CRYBG1: variants seen among roughly 807,000 people sequenced by gnomAD.
The protein encoded by CRYBG1 is crystallin beta-gamma domain containing 1.
Under a neutral mutation model 189.2 loss-of-function variants are expected in CRYBG1, and 139 were observed. The observed-to-expected ratio is 0.73, with a 90% CI of 0.64 to 0.85. The LOEUF (loss-of-function observed/expected upper bound fraction) is 0.85. Among genes scored for constraint, CRYBG1 ranks in the 40% least tolerant of loss-of-function variants. CRYBG1 has a pLI of 0.00. For missense variants in CRYBG1, 2,611 were observed against 2,675.8 expected (o/e 0.98, Z 0.53); for synonymous variants, 1,023 against 1,017.1 (o/e 1.01, Z -0.11).
chr6:106,524,423 G>A (rs1773686772), intron 4 of CRYBG1, among the ~76,000 whole-genome samples: 1 of 152,006 alleles, frequency 6.6e-6, no homozygotes, highest in Non-Finnish European at 1.5e-5. Flanking sequence ...AAAATTAGCT[G>A]GGCCTGGTGG....
rs571541356 is a variant in CRYBG1, at chr6:106,450,399, C to A, written c.174-1295C>A. 1.4e-4 allele frequency among the ~76,000 whole-genome samples: 21 copies of A among 152,258 alleles called. No individual in the cohort carries two copies. In the South Asian group the frequency reaches 4.3e-3, roughly 32 times the overall value. On this transcript the variant is annotated intron_variant, in intron 1 of 21. Coordinates refer to ENST00000633556, the MANE Select transcript of CRYBG1 (RefSeq NM_001371242.2). ...CCCACAAAAGCTTCCGTTTCTGTTG[C>A]GAAATGCTGAGGTCTTGCATTTTTA... is the stretch of plus-strand genomic sequence containing the variant.
chr6:106,394,594 G>A (rs941597545), intron 1 of CRYBG1, among the ~76,000 whole-genome samples: 5 of 152,186 alleles, frequency 3.3e-5, no homozygotes, highest in African/African-American at 7.2e-5. Context: ...GGAATAAAGT[G>A]ATTCTAAAAG....
chr6:106,379,198 A>G (rs1446556194), intron 1 of CRYBG1, among the ~76,000 whole-genome samples: 1 of 152,204 alleles, frequency 6.6e-6, no homozygotes, highest in Non-Finnish European at 1.5e-5. Context: ...TTGAAGTAAG[A>G]GAGTAAATGA....
At position 106,417,500 on chromosome 6, in the gene CRYBG1, T is replaced by C. The variant is rs993207733; in HGVS notation, c.174-34194T>C. 9.1e-4 allele frequency among the ~76,000 whole-genome samples: 139 copies of C among 152,256 alleles called. 1 individual carries two copies. The highest frequency in any genetic ancestry group is 2.6e-4 in the Non-Finnish European group (18 of 68,044). On this transcript the variant is annotated intron_variant, in intron 1 of 21. Transcript: ENST00000633556. Reference sequence around the variant, plus strand: ...ACTCTGTCCCCACAGATTACCACCGTAGATATAAAGGTTTGGATGTCCCTT... The same window carrying C: ...ACTCTGTCCCCACAGATTACCACCGCAGATATAAAGGTTTGGATGTCCCTT...
chr6:106,414,611 T>G (rs1770988761), intron 1 of CRYBG1, among the ~76,000 whole-genome samples: 2 of 152,210 alleles, frequency 1.3e-5, no homozygotes, highest in Non-Finnish European at 2.9e-5. Context: ...TTGGTGTATA[T>G]TTTTGGCTTT....
At chr6:106,433,720 T>A (rs1336922531) in intron 1 of CRYBG1, among the ~76,000 whole-genome samples, 1 of 61,048 alleles carries the variant, frequency 1.6e-5, no homozygotes, top group African/African-American at 1.1e-4. Context: ...AACTGGGAAA[T>A]ATATATATAT....
chr6:106,544,620 G>C lies in CRYBG1; in HGVS notation c.5089G>C (p.Glu1697Gln). The C allele has an allele frequency of 6.2e-7, 1 of 1,614,012 alleles. No homozygotes were observed. The highest frequency in any genetic ancestry group is 8.5e-7 in the Non-Finnish European group (1 of 1,179,920). Residue 1697 changes from glutamate to glutamine, a missense_variant, in exon 12 of 22, where the codon GAA becomes CAA. Glu to Gln is a conservative substitution (Grantham distance 29). This residue lies in a region of CRYBG1 where 1,622 missense variants were observed against 1,735.0 expected (regional missense o/e 0.93). Coordinates refer to ENST00000633556, the MANE Select transcript of CRYBG1 (RefSeq NM_001371242.2). ...ATTTACCGGTCATCAGTATTTGCTA[G>C]AAGAAGGAGAATACAGGGACTGGAA... is the stretch of plus-strand genomic sequence containing the variant. ...PGFTGHQYLLEEGEYRDWKAW... is the reference protein window; with the variant it reads ...PGFTGHQYLLQEGEYRDWKAW...
chr6:106,519,604 C>A lies in CRYBG1; in HGVS notation c.2396C>A (p.Pro799Gln), dbSNP rs1209214768. ...ACAGATGCTGGCTGCCTTTCAGAAC[C>A]AGTGGCTTCTGCTCTGATTCCTGTC... ...VQTDAGCLSEPVASALIPVKD... is the reference protein window; with the variant it reads ...VQTDAGCLSEQVASALIPVKD... The change falls in exon 4 of 22, where the codon CCA (proline) becomes CAA (glutamine). Residue 799 changes from proline to glutamine, a missense_variant. Coordinates refer to ENST00000633556, the MANE Select transcript of CRYBG1 (RefSeq NM_001371242.2). The A allele has an allele frequency of 6.2e-7, 1 of 1,614,190 alleles. No homozygotes were observed. The highest frequency in any genetic ancestry group is 1.7e-5 in the Admixed American group (1 of 60,018).
intron 2 of CRYBG1, among the ~76,000 whole-genome samples, chr6:106,498,651 G>A (rs117087770): frequency 0.15 from 22,747 of 152,044 alleles, 1,720 homozygotes; most frequent in East Asian, 0.16. Flanking sequence ...GAGGTGGGCA[G>A]ATAACTTGAG....
intron 21 of CRYBG1, among the ~76,000 whole-genome samples, chr6:106,566,877 T>G (rs761790755): frequency 2.6e-5 from 4 of 152,206 alleles, no homozygotes; most frequent in Non-Finnish European, 5.9e-5. Flanking sequence ...ATCATGCATC[T>G]GTCTTCTAGC....
rs918527730 is a variant in CRYBG1, at chr6:106,568,347, G to A, written c.6302-125G>A. ...GCTTCCCTCCCTGCCTTGCCTCCTT[G>A]AGGCATGCAGTTCTACACCTTGTTT... On this transcript the variant is annotated intron_variant, in intron 21 of 21. Transcript: ENST00000633556. 14 of 721,894 alleles carry A rather than the reference G, an allele frequency of 1.9e-5. No individual in the cohort carries two copies. The African/African-American group carries it at 2.5e-4, about 13-fold the overall frequency. The allele number at this position is 721,894 out of a possible 1,614,324, so 44.7% of individuals were successfully genotyped here. A position where few individuals can be genotyped will look rare whatever the true frequency, so the allele number is the denominator to read the frequency against.
chr6:106,404,975 C>A (rs2114360861), intron 1 of CRYBG1, among the ~76,000 whole-genome samples: 1 of 152,104 alleles, frequency 6.6e-6, no homozygotes, highest in Admixed American at 6.5e-5. Flanking sequence ...AGACACCAAG[C>A]TAGCCGCAGT....
At chr6:106,536,532 C>T (rs1247083985) in intron 8 of CRYBG1, among the ~76,000 whole-genome samples, 1 of 152,160 alleles carries the variant, frequency 6.6e-6, no homozygotes, top group African/African-American at 2.4e-5. Flanking sequence ...AACTTAAGAT[C>T]CATCTGGAAG....
At chr6:106,418,968 T>C (rs1771077183) in intron 1 of CRYBG1, among the ~76,000 whole-genome samples, 1 of 152,226 alleles carries the variant, frequency 6.6e-6, no homozygotes, top group Non-Finnish European at 1.5e-5. Flanking sequence ...CCAGGCATGA[T>C]GTTCACATAG....
chr6:106,365,164 C>T (rs1009858874), intron 1 of CRYBG1, among the ~76,000 whole-genome samples: 4 of 152,072 alleles, frequency 2.6e-5, no homozygotes, highest in Non-Finnish European at 4.4e-5. Context: ...TGTGGTGGCC[C>T]ACACCTGTAA....
intron 1 of CRYBG1, among the ~76,000 whole-genome samples, chr6:106,381,738 A>G (rs1770293970): frequency 6.6e-6 from 1 of 152,196 alleles, no homozygotes; most frequent in Non-Finnish European, 1.5e-5. Context: ...TCTGCCAGTC[A>G]TTGGTTAAGG....
In CRYBG1 at chr6:106,533,758, A is replaced by T. The variant is rs747639283; in HGVS notation, c.4718+3443A>T. Among the ~76,000 whole-genome samples, 139 of 152,108 alleles carry T rather than the reference A, an allele frequency of 9.1e-4. 1 individual carries two copies. The highest frequency in any genetic ancestry group is 2.6e-4 in the Non-Finnish European group (18 of 68,006). ...GGAGCAGGATAGGAGAGAGAGTGAG[A>T]TTCAGGAGCTCAGTTTTGGACAGGT... On this transcript the variant is annotated intron_variant, in intron 8 of 21. Transcript: ENST00000633556.
At chr6:106,388,730 T>C (rs904031053) in intron 1 of CRYBG1, among the ~76,000 whole-genome samples, 11 of 152,210 alleles carry the variant, frequency 7.2e-5, no homozygotes, top group African/African-American at 2.7e-4. Context: ...ATTTCTCAAG[T>C]TGTTTCTTTT....
At position 106,512,063 on chromosome 6, in the gene CRYBG1, G is replaced by A. The variant is rs1464897224; in HGVS notation, c.946G>A (p.Ala316Thr). 1 of 1,533,718 alleles carries A rather than the reference G, an allele frequency of 6.5e-7. No homozygotes were observed. Among genetic ancestry groups the A allele is most frequent in the South Asian group, 1.2e-5 (1 of 83,868 alleles). The change falls in exon 3 of 22, where the codon GCC becomes ACC. Residue 316 changes from alanine to threonine, a missense_variant. Ala to Thr is a moderately conservative substitution (Grantham distance 58). This residue lies in a region of CRYBG1 where 985 missense variants were observed against 924.4 expected (regional missense o/e 1.07). Transcript: ENST00000633556. The stretch of plus-strand genomic sequence containing the variant: ...AGGACTAGGCGAGGCCCCTAACGGA[G>A]CCCCCAGTGTGTGTGCCGAAGAAGG... ...AGGLGEAPNG[A>T]PSVCAEEGSL...
Sources: gnomAD v4.1 joint callset for allele counts (sites outside exome capture counted in the v4.1 genomes callset) on GRCh38, gnomAD v4.1.1 for gene constraint, gnomAD v4.1.1 regional missense constraint, MANE v1.5 for transcripts, NCBI Gene and HGNC (gene_info 2026-07-23, HGNC 2026-07-21) for gene names.